The following CANX variants were observed in gnomAD, a reference collection of about 807,000 sequenced individuals.
The protein encoded by CANX is epididymis secretory sperm binding protein.
In CANX, 14 loss-of-function variants were observed where a neutral mutation model predicts 75.7. The observed-to-expected ratio is 0.19, with a 90% CI of 0.12 to 0.29. CANX has a LOEUF of 0.29. Ranked by LOEUF, CANX falls within the 10% of genes least tolerant of loss-of-function variation. CANX has a pLI of 1.00. For synonymous variants in CANX, 227 were observed against 236.9 expected (o/e 0.96, Z 0.38); for missense variants, 567 against 713.2 (o/e 0.79, Z 2.34).
rs143596594 is a variant in CANX, at chr5:179,719,756, C to A, written c.1000C>A (p.Pro334Thr). The A allele has an allele frequency of 7.4e-5, 119 of 1,607,278 alleles. 1 individual carries two copies. The East Asian group carries it at 2.6e-3, about 35-fold the overall frequency. Reference protein sequence around the residue: ...LDDEPEYVPDPDAEKPEDWDE... With the variant: ...LDDEPEYVPDTDAEKPEDWDE... ...TGATGAGCCTGAGTACGTACCTGATCCAGACGCAGAGAAACCTGAGGATTG... is the reference window on the plus strand; with the variant it reads ...TGATGAGCCTGAGTACGTACCTGATACAGACGCAGAGAAACCTGAGGATTG... The change falls in exon 9 of 15, where the codon CCA (proline) becomes ACA (threonine). Residue 334 changes from proline (P) to threonine (T), a missense_variant. By Grantham distance (38) the Pro-to-Thr change is conservative. Transcript: ENST00000247461.
intron 1 of CANX, among the ~76,000 whole-genome samples, chr5:179,690,158 C>T (rs954540453): frequency 3.3e-5 from 5 of 152,200 alleles, no homozygotes; most frequent in African/African-American, 7.2e-5. Context: ...GAATATTCCC[C>T]AAACCAAGGA....
In CANX at chr5:179,709,018, G is replaced by A; in HGVS notation, c.487G>A (p.Ala163Thr). 1.2e-6 allele frequency: 2 copies of A among 1,605,106 alleles called. No homozygotes were observed. Among genetic ancestry groups the A allele is most frequent in the Admixed American group, 1.7e-5 (1 of 60,012 alleles). Residue 163 changes from alanine (A) to threonine (T), a missense_variant, in exon 6 of 15, where the codon GCC becomes ACC. Physicochemically the swap from Ala to Thr is moderately conservative, Grantham distance 58 (BLOSUM62 0). Transcript: ENST00000247461. ...NFQNGIECGG[A>T]YVKLLSKTPE... is the part of the protein sequence containing the mutation. ...CCAAAATGGAATAGAATGTGGTGGT[G>A]CCTATGTGAAACTGCTTTCTAAAAC...
intron 1 of CANX, among the ~76,000 whole-genome samples, chr5:179,691,830 T>C (rs1164025794): frequency 6.6e-6 from 1 of 152,186 alleles, no homozygotes; most frequent in Non-Finnish European, 1.5e-5. Flanking sequence ...CAGGCTGGAG[T>C]GCAGTGGCAC....
chr5:179,715,958 A>G (rs768252236), intron 7 of CANX, 147 bp from the exon 8 acceptor site: 3 of 712,808 alleles, frequency 4.2e-6, no homozygotes, highest in African/African-American at 3.5e-5. Flanking sequence ...TAGCTTCCCC[A>G]AGACCCCAGG....
At position 179,730,530 on chromosome 5, in the gene CANX, C is replaced by T. The variant is rs577234327; in HGVS notation, c.*1886C>T. The T allele has an allele frequency of 1.3e-5, 2 of 152,340 alleles. No homozygotes were observed. Among genetic ancestry groups the T allele is most frequent in the East Asian group, 3.9e-4 (2 of 5,192 alleles). 9.4% of individuals were successfully genotyped at this position (152,340 alleles called of 1,614,324 possible). On this transcript the variant is annotated 3_prime_UTR_variant, in exon 15 of 15. Coordinates refer to ENST00000247461, the MANE Select transcript of CANX (RefSeq NM_001746.4). Reference sequence around the variant, plus strand: ...CATTTCCAGAAATCTGCCTCCTTCACCCTCCGTTGACAGTATATGTCATGC... The same window carrying T: ...CATTTCCAGAAATCTGCCTCCTTCATCCTCCGTTGACAGTATATGTCATGC...
intron 1 of CANX, among the ~76,000 whole-genome samples, chr5:179,699,964 A>T (rs1003119694): frequency 6.6e-6 from 1 of 152,164 alleles, no homozygotes; most frequent in Non-Finnish European, 1.5e-5. Flanking sequence ...GGATATAATA[A>T]TACCCGATGG....
intron 8 of CANX, among the ~76,000 whole-genome samples, 178 bp downstream of exon 8, chr5:179,716,472 G>T (rs1015895396): frequency 1.3e-5 from 2 of 152,124 alleles, no homozygotes; most frequent in African/African-American, 4.8e-5. Context: ...GTAATCATCT[G>T]GATTGACTCA....
intron 1 of CANX, among the ~76,000 whole-genome samples, chr5:179,703,305 C>T (rs1192930606): frequency 6.6e-6 from 1 of 151,494 alleles, no homozygotes; most frequent in African/African-American, 2.4e-5. Flanking sequence ...GCATCCTCCG[C>T]CTCCCAGGTT....
chr5:179,684,850 G>A (rs1776156386), intron 1 of CANX, among the ~76,000 whole-genome samples: 2 of 149,966 alleles, frequency 1.3e-5, no homozygotes, highest in Non-Finnish European at 3.0e-5. Flanking sequence ...TTCACCTCCT[G>A]GGTTCAAGCA....
At chr5:179,699,467 G>A (rs1040214620) in intron 1 of CANX, 1 of 152,298 alleles carries the variant, frequency 6.6e-6, no homozygotes, top group Admixed American at 6.5e-5. Context: ...TAAAAGTATA[G>A]GGTGGAATCG....
chr5:179,730,777 T>C lies in CANX; in HGVS notation c.*2133T>C, dbSNP rs1354643282. On this transcript the variant is annotated 3_prime_UTR_variant, in exon 15 of 15. Coordinates refer to ENST00000247461, the MANE Select transcript of CANX (RefSeq NM_001746.4). ...TCTTAAAAAGACACTTATATTTTGA[T>C]TTTACATGCTGGTTACCTGTTCCAT... The C allele has an allele frequency of 6.6e-6, 1 of 152,230 alleles. No homozygotes were observed. Among genetic ancestry groups the C allele is most frequent in the Non-Finnish European group, 1.5e-5 (1 of 68,042 alleles). The allele number at this position is 152,230 out of a possible 1,614,324, so 9.4% of individuals were successfully genotyped here.
At chr5:179,682,108 C>G (rs1031095669) in intron 1 of CANX, among the ~76,000 whole-genome samples, 1 of 151,492 alleles carries the variant, frequency 6.6e-6, no homozygotes, top group Non-Finnish European at 1.5e-5. Flanking sequence ...AAAAATTAGC[C>G]GGGTGTGGTG....
At chr5:179,724,542 T>C in intron 12 of CANX, 115 bp from the exon 13 acceptor site, 1 of 790,724 alleles carries the variant, frequency 1.3e-6, no homozygotes, top group South Asian at 1.7e-5. Flanking sequence ...TATTCGTTTC[T>C]GTATATCTAT....
At chr5:179,698,385 G>A (rs1396547499), upstream of CANX, 3 of 1,216,630 alleles carry the variant, frequency 2.5e-6, no homozygotes, top group African/African-American at 4.7e-5. Flanking sequence ...GACTCTGCAG[G>A]AACTGCGGCG....
At chr5:179,716,946 G>A (rs549439280) in intron 8 of CANX, among the ~76,000 whole-genome samples, 11 of 152,292 alleles carry the variant, frequency 7.2e-5, no homozygotes, top group African/African-American at 1.4e-4. Context: ...GAAGAATGTC[G>A]TATGCAGAAG....
rs370083020 is a variant in CANX at position 179,678,840 on chromosome 5, A to G, written c.-4+63A>G. 5,958 of 1,536,824 alleles carry G rather than the reference A, an allele frequency of 3.9e-3. 26 individuals are homozygous for G. Among genetic ancestry groups the G allele is most frequent in the Non-Finnish European group, 4.8e-3 (5,545 of 1,146,668 alleles). On this transcript the variant is annotated intron_variant, in intron 1 of 14. Transcript: ENST00000681674. ...CGCTGCACCTGCGCCTTCCAGCCCC[A>G]GGCGGTCCGCGAGAGCAGCGGCGAC...
In CANX at chr5:179,679,011, G is replaced by A. The variant is rs1278773971; in HGVS notation, c.-4+234G>A. The A allele has an allele frequency of 4.6e-6, 7 of 1,535,576 alleles. No homozygotes were observed. In the Admixed American group the frequency reaches 9.8e-5, roughly 22 times the overall value. ...TGGTCCAGCAGGTAGAAGGTGGACA[G>A]GGAGGGCATGCGGCGCAGTGGCGGC... On this transcript the variant is annotated intron_variant, in intron 1 of 14. Coordinates refer to the CANX transcript ENST00000681674.
At chr5:179,724,936 G>C (rs1021736307) in intron 13 of CANX, among the ~76,000 whole-genome samples, 153 bp downstream of exon 13, 1 of 152,132 alleles carries the variant, frequency 6.6e-6, no homozygotes, top group Non-Finnish European at 1.5e-5. Context: ...AAAATCACTT[G>C]AGCCCAGGAG....
intron 7 of CANX, 33 bp downstream of exon 7, chr5:179,710,098 T>C (rs753592750): frequency 2.5e-6 from 3 of 1,221,326 alleles, no homozygotes; most frequent in South Asian, 1.3e-5. Flanking sequence ...GGGCTTATGG[T>C]ATTACATATA....
Sources: allele counts gnomAD v4.1 joint callset (sites outside exome capture counted in the v4.1 genomes callset), GRCh38; gene constraint gnomAD v4.1.1; transcripts MANE v1.5; gene names NCBI Gene and HGNC (gene_info 2026-07-23, HGNC 2026-07-21).